The following STK36 variants were observed in gnomAD, a reference collection of about 807,000 sequenced individuals.
STK36 encodes the protein serine/threonine kinase 36, also known as serine/threonine-protein kinase 36.
STK36 carries 116 observed loss-of-function variants against 142.2 expected under a neutral mutation model. The observed-to-expected ratio is 0.82, with a 90% CI of 0.70 to 0.95. STK36 has a LOEUF of 0.95. STK36 is among the 40% of genes least tolerant of loss of function. The pLI, the probability that STK36 is intolerant of heterozygous loss-of-function variation, is 0.00. For missense variants in STK36, 1,422 were observed against 1,617.2 expected (o/e 0.88, Z 2.07); for synonymous variants, 619 against 641.7 (o/e 0.96, Z 0.53).
intron 6 of STK36, among the ~76,000 whole-genome samples, chr2:218,676,877 C>T (rs1003202027): frequency 1.3e-5 from 2 of 152,102 alleles, no homozygotes; most frequent in African/African-American, 2.4e-5. Flanking sequence ...GTCTTGATCT[C>T]CTGACCTCGT....
chr2:218,689,945 G>T lies in STK36; in HGVS notation c.1647G>T (p.Gln549His). Reference protein sequence around the residue: ...FACTFNLERSQTSDSLQVFQE... With the variant: ...FACTFNLERSHTSDSLQVFQE... ...GTACCTTCAATCTGGAGAGGAGCCAGACAAGTGACAGGTAGGATAAGAAGT... is the reference window on the plus strand; with the variant it reads ...GTACCTTCAATCTGGAGAGGAGCCATACAAGTGACAGGTAGGATAAGAAGT... The change falls in exon 13 of 27, where the codon CAG (glutamine) becomes CAT (histidine). Residue 549 changes from glutamine (Q) to histidine (H), a missense_variant. Gln to His is a conservative substitution (Grantham distance 24). This residue lies in a region of STK36 where 962 missense variants were observed against 1,167.5 expected (regional missense o/e 0.82). Coordinates refer to ENST00000295709, the MANE Select transcript of STK36 (RefSeq NM_015690.5). 1 of 1,590,936 alleles carries T rather than the reference G, an allele frequency of 6.3e-7. No homozygotes were observed. Among genetic ancestry groups the T allele is most frequent in the East Asian group, 2.3e-5 (1 of 44,234 alleles).
Position 218,694,735 on chromosome 2 carries a change from A to T in STK36, c.2511+100A>T. On this transcript the variant is annotated intron_variant, in intron 21 of 26. Coordinates refer to ENST00000295709, the MANE Select transcript of STK36 (RefSeq NM_015690.5). The surrounding 1 kb of genome is among the most constrained non-coding windows in gnomAD (Gnocchi z 4.4). ...CTGAAATGCCAGCAAGCCTGGAGTA[A>T]ACTGAGGAATGGAAAAGGAATCAAG... 1 of 1,017,246 alleles carries T rather than the reference A, an allele frequency of 9.8e-7. No individual in the cohort carries two copies. Among genetic ancestry groups the T allele is most frequent in the Non-Finnish European group, 1.5e-6 (1 of 673,332 alleles). The allele number at this position is 1,017,246 out of a possible 1,614,324, so 63.0% of individuals were successfully genotyped here. A position where few individuals can be genotyped will look rare whatever the true frequency, so the allele number is the denominator to read the frequency against.
chr2:218,699,295 G>A lies in STK36; in HGVS notation c.3751G>A (p.Glu1251Lys). 12 of 1,614,090 alleles carry A rather than the reference G, an allele frequency of 7.4e-6. No individual in the cohort carries two copies. The highest frequency in any genetic ancestry group is 9.3e-6 in the Non-Finnish European group (11 of 1,180,018). ...TGGAGACCCCCAGCCAAATGTGAAG[G>A]AGGCTGCCCTCATTGCCCTCCGGAG... ...ACGDPQPNVK[E>K]AALIALRSLQ... The change falls in exon 26 of 27, where the codon GAG becomes AAG. Residue 1251 changes from glutamate (E) to lysine (K), a missense_variant. Glu to Lys is a moderately conservative substitution (Grantham distance 56, BLOSUM62 1). Transcript: ENST00000295709.
chr2:218,689,924 C>T lies in STK36; in HGVS notation c.1626C>T (p.Thr542=), dbSNP rs1477210393. 2.5e-6 allele frequency: 4 copies of T among 1,602,024 alleles called. No individual in the cohort carries two copies. In the Admixed American group the frequency reaches 5.1e-5, roughly 21 times the overall value. ...TGATTCAGGCCTACTTTGCCTGTAC[C>T]TTCAATCTGGAGAGGAGCCAGACAA... The part of the protein sequence containing the change: ...MAVIQAYFAC[T]FNLERSQTSD... The change falls in exon 13 of 27, where the codon ACC becomes ACT. Residue 542 remains threonine, a synonymous_variant. Transcript: ENST00000295709.
Position 218,702,301 on chromosome 2 carries a change from C to T in STK36, c.*292C>T, listed in dbSNP as rs1941471269. The T allele has an allele frequency of 4.0e-6, 1 of 247,384 alleles. No individual in the cohort carries two copies. The allele number at this position is 247,384 out of a possible 1,614,324, so 15.3% of individuals were successfully genotyped here. ...ATGTGCCTTTAACTCTAGGGACCTG[C>T]CTCACGGACCTTAGGGAAAAACCTC... On this transcript the variant is annotated 3_prime_UTR_variant, in exon 27 of 27. Coordinates refer to ENST00000295709, the MANE Select transcript of STK36 (RefSeq NM_015690.5).
chr2:218,676,072 A>T lies in STK36; in HGVS notation c.478A>T (p.Ile160Phe). 1 of 1,614,096 alleles carries T rather than the reference A, an allele frequency of 6.2e-7. No homozygotes were observed. ...CACCAATACAATGGTGCTGACATCC[A>T]TCAAAGGCACACCACTCTATATGTC... is the stretch of plus-strand genomic sequence containing the variant. ...MSTNTMVLTS[I>F]KGTPLYMSPE... Residue 160 changes from isoleucine (I) to phenylalanine (F), a missense_variant, in exon 6 of 27, where the codon ATC becomes TTC. Physicochemically the swap from Ile to Phe is conservative, Grantham distance 21 (BLOSUM62 0). This residue lies in a region of STK36 where 460 missense variants were observed against 449.6 expected (regional missense o/e 1.02). Transcript: ENST00000295709.
At position 218,690,680 on chromosome 2, in the gene STK36, C is replaced by T. The variant is rs73079062; in HGVS notation, c.1764+125C>T. On this transcript the variant is annotated intron_variant, in intron 14 of 26. Transcript: ENST00000295709. The stretch of plus-strand genomic sequence containing the variant: ...TGACAAACATTTGTTAAATTCCCAC[C>T]ATGCCATATGCCATGTGAGTAAGAA... 7.2e-3 allele frequency: 5,469 copies of T among 763,506 alleles called. 209 individuals are homozygous for T. In the African/African-American group the frequency reaches 0.082, roughly 11 times the overall value. 47.3% of individuals were successfully genotyped at this position (763,506 alleles called of 1,614,324 possible).
In STK36 at chr2:218,673,877, A is replaced by AGGT. The variant is rs748027628; in HGVS notation, c.235_237dup. On this transcript the variant is annotated splice_acceptor_variant, in intron 3 of 26. Transcript: ENST00000295709. LOFTEE classifies it high-confidence loss of function. ...ATCAGTGCCACTGCCTTCTCTCTGT[A>AGGT]GGTGGTGGTGGTGACAGACTATGCT... The AGGT allele has an allele frequency of 1.2e-5, 20 of 1,614,058 alleles. No homozygotes were observed. In the East Asian group the frequency reaches 4.0e-4, roughly 32 times the overall value.
chr2:218,700,825 A>C (rs1941414386), intron 26 of STK36, among the ~76,000 whole-genome samples: 1 of 151,422 alleles, frequency 6.6e-6, no homozygotes, highest in Non-Finnish European at 1.5e-5. Context: ...CAGCCTGGCC[A>C]ACATAGTGAA....
At chr2:218,675,237 G>A (rs1940179977) in intron 4 of STK36, 106 bp from the exon 5 acceptor site, 3 of 1,232,876 alleles carry the variant, frequency 2.4e-6, no homozygotes, top group African/African-American at 1.5e-5. Flanking sequence ...TGCAAGAAAG[G>A]GAAGGAAGAA....
intron 11 of STK36, among the ~76,000 whole-genome samples, chr2:218,686,182 G>A (rs1047769122): frequency 2.0e-5 from 3 of 151,854 alleles, no homozygotes; most frequent in Admixed American, 6.6e-5. Context: ...CTTGTGATCC[G>A]CCCGCCTCAG....
At chr2:218,692,775 GT>G in intron 16 of STK36, 65 bp downstream of exon 16, 1 of 1,534,960 alleles carries the variant, frequency 6.5e-7, no homozygotes, top group Non-Finnish European at 8.7e-7. Context: ...GCTAGCCCCA[GT>G]TTTTCAGAAA....
At chr2:218,684,735 A>G in intron 10 of STK36, 1 of 174,104 alleles carries the variant, frequency 5.7e-6, no homozygotes. Context: ...AATCTTTTTA[A>G]TAACCTCATC....
Position 218,676,036 on chromosome 2 carries a change from C to T in STK36, c.442C>T (p.Arg148Trp), listed in dbSNP as rs200288195. The change falls in exon 6 of 27, where the codon CGG becomes TGG. Residue 148 changes from arginine (R) to tryptophan (W), a missense_variant. By Grantham distance (101) the Arg-to-Trp change is moderately radical. Transcript: ENST00000295709. ...TCCCATTATCTTCTGCAGATTTGCC[C>T]GGGCTATGAGCACCAATACAATGGT... ...GIKLCDFGFA[R>W]AMSTNTMVLT... 64 of 1,613,568 alleles carry T rather than the reference C, an allele frequency of 4.0e-5. No individual in the cohort carries two copies. Among genetic ancestry groups the T allele is most frequent in the Middle Eastern group, 3.3e-4 (2 of 6,080 alleles).
chr2:218,673,981 C>G (rs760554718), intron 4 of STK36, 25 bp downstream of exon 4: 206 of 1,604,634 alleles, frequency 1.3e-4, no homozygotes, highest in Non-Finnish European at 1.7e-4. Flanking sequence ...TTCAACTTCT[C>G]CCCACCTCCG....
Position 218,702,042 on chromosome 2 carries a change from G to C in STK36, c.*33G>C. 6.2e-7 allele frequency: 1 copy of C among 1,610,012 alleles called. No homozygotes were observed. Among genetic ancestry groups the C allele is most frequent in the East Asian group, 2.2e-5 (1 of 44,790 alleles). On this transcript the variant is annotated 3_prime_UTR_variant, in exon 27 of 27. Coordinates refer to ENST00000295709, the MANE Select transcript of STK36 (RefSeq NM_015690.5). ...TTCCTGCGGTCCAGCCTCCAACTTT[G>C]GTTGCCAGCTCTTTCTTATTCTACT...
Position 218,694,001 on chromosome 2 carries a change from G to C in STK36, c.2336+18G>C. 1 of 1,612,780 alleles carries C rather than the reference G, an allele frequency of 6.2e-7. No homozygotes were observed. Among genetic ancestry groups the C allele is most frequent in the African/African-American group, 1.3e-5 (1 of 75,008 alleles). ...CCTTGTGGGTAAGTCATAAAGTAGG[G>C]TGTCTCCACAGAAGTCTTCTAGCCA... On this transcript the variant is annotated intron_variant, in intron 19 of 26. Coordinates refer to ENST00000295709, the MANE Select transcript of STK36 (RefSeq NM_015690.5). This position sits in a 1 kb window ranked among gnomAD's most constrained non-coding sequence, Gnocchi z 4.4.
chr2:218,689,390 G>A (rs1940906925), intron 12 of STK36, among the ~76,000 whole-genome samples: 1 of 152,186 alleles, frequency 6.6e-6, no homozygotes, highest in Non-Finnish European at 1.5e-5. Context: ...TGGTCACAGA[G>A]ATAACAAGTG....
Position 218,699,269 on chromosome 2 carries a change from G to T in STK36, c.3725G>T (p.Cys1242Phe). ...CCCCAGCGGCTCCTAGAAATGGCAT[G>T]TGGAGACCCCCAGCCAAATGTGAAG... Reference protein sequence around the residue: ...EVPQRLLEMACGDPQPNVKEA... With the variant: ...EVPQRLLEMAFGDPQPNVKEA... Residue 1242 changes from cysteine to phenylalanine, a missense_variant, in exon 26 of 27, where the codon TGT becomes TTT. Around this residue, in one of 2 missense-constraint regions of STK36, gnomAD observed 962 missense variants for 1,167.5 expected, o/e 0.82. Transcript: ENST00000295709. 1 of 1,614,082 alleles carries T rather than the reference G, an allele frequency of 6.2e-7. No individual in the cohort carries two copies. The highest frequency in any genetic ancestry group is 8.5e-7 in the Non-Finnish European group (1 of 1,180,022).
Sources: allele counts gnomAD v4.1 joint callset (sites outside exome capture counted in the v4.1 genomes callset), GRCh38; gene constraint gnomAD v4.1.1; regional missense constraint gnomAD v4.1.1; non-coding constraint Gnocchi (gnomAD v3.1); transcripts MANE v1.5; gene names NCBI Gene and HGNC (gene_info 2026-07-23, HGNC 2026-07-21).